Variants in SLC4A4 observed in about 807,000 individuals in gnomAD.
SLC4A4 encodes electrogenic sodium bicarbonate cotransporter 1.
In SLC4A4, 27 loss-of-function variants were observed where a neutral mutation model predicts 111.5. That is an observed-to-expected ratio of 0.24 (90% CI 0.18 to 0.33). The LOEUF (loss-of-function observed/expected upper bound fraction) is 0.33. Ranked by LOEUF, SLC4A4 falls within the 10% of genes least tolerant of loss-of-function variation. The pLI, the probability that SLC4A4 is intolerant of heterozygous loss-of-function variation, is 1.00. For synonymous variants in SLC4A4, 443 were observed against 463.4 expected, an observed-to-expected ratio of 0.96 and a Z score of 0.57; for missense variants, 909 against 1,315.5, an observed-to-expected ratio of 0.69 and a Z score of 4.78.
At chr4:71,195,068 G>A (rs1186663663) in intron 1 of SLC4A4, among the ~76,000 whole-genome samples, 1 of 151,932 alleles carries the variant, frequency 6.6e-6, no homozygotes, top group African/African-American at 2.4e-5. Context: ...AAATGTGTAT[G>A]ATTTTTGTTT....
intron 1 of SLC4A4, 176 bp from the exon 2 acceptor site, chr4:71,236,400 C>T (rs917613859): frequency 3.5e-5 from 27 of 766,374 alleles, no homozygotes; most frequent in South Asian, 1.4e-4. Context: ...GGCATATTCT[C>T]GAGCACCAGA....
chr4:71,449,522 C>G (rs938545263), intron 9 of SLC4A4, among the ~76,000 whole-genome samples: 8 of 152,154 alleles, frequency 5.3e-5, no homozygotes, highest in Non-Finnish European at 1.0e-4. Flanking sequence ...CCACAACCCC[C>G]AGACTGTTAA....
intron 6 of SLC4A4, among the ~76,000 whole-genome samples, chr4:71,391,921 A>T (rs912057480): frequency 1.3e-5 from 2 of 151,990 alleles, no homozygotes; most frequent in Non-Finnish European, 2.9e-5. Context: ...GCAAGGTGAC[A>T]TTTTTCTCTA....
At chr4:71,561,068 A>T (rs1038293084) in intron 23 of SLC4A4, among the ~76,000 whole-genome samples, 1 of 151,776 alleles carries the variant, frequency 6.6e-6, no homozygotes, top group African/African-American at 2.4e-5. Context: ...AATGTTTTCC[A>T]TTTGAAAATT....
At chr4:71,560,377 T>C in intron 23 of SLC4A4, 123 bp downstream of exon 23, 1 of 1,114,152 alleles carries the variant, frequency 9.0e-7, no homozygotes, top group South Asian at 1.4e-5. Context: ...GGACATGTGG[T>C]GTATTACTCA....
intron 7 of SLC4A4, among the ~76,000 whole-genome samples, chr4:71,418,061 T>C (rs908296843): frequency 1.3e-5 from 2 of 152,222 alleles, no homozygotes; most frequent in Non-Finnish European, 2.9e-5. Context: ...TATTGACAAT[T>C]TTTTTAAAAA....
At chr4:71,517,856 G>A (rs1732550572) in intron 16 of SLC4A4, among the ~76,000 whole-genome samples, 2 of 150,554 alleles carry the variant, frequency 1.3e-5, no homozygotes, top group South Asian at 4.3e-4. Context: ...CAGTTAGGCT[G>A]ACCTGGTTCT....
intron 6 of SLC4A4, among the ~76,000 whole-genome samples, chr4:71,372,167 T>C (rs981980526): frequency 1.3e-5 from 2 of 152,248 alleles, no homozygotes; most frequent in African/African-American, 4.8e-5. Flanking sequence ...AGTTACTAAC[T>C]ACCTTTAAAA....
At chr4:71,106,929 T>A (rs1411638770) in intron 2 of SLC4A4, among the ~76,000 whole-genome samples, 3 of 146,748 alleles carry the variant, frequency 2.0e-5, no homozygotes, top group Admixed American at 1.4e-4. Flanking sequence ...ATAATAAAAA[T>A]AAATAAATAA....
chr4:71,484,121 G>A (rs1323958455), intron 14 of SLC4A4, among the ~76,000 whole-genome samples: 2 of 151,692 alleles, frequency 1.3e-5, no homozygotes, highest in Non-Finnish European at 2.9e-5. Flanking sequence ...CATACAGTAG[G>A]TTGTTTGTTT....
At chr4:71,408,795 C>G (rs373174410) in intron 7 of SLC4A4, among the ~76,000 whole-genome samples, 9 of 152,148 alleles carry the variant, frequency 5.9e-5, no homozygotes, top group African/African-American at 1.9e-4. Context: ...CCAATACCAT[C>G]TAGTACTTAT....
At chr4:71,294,640 T>TGA (rs1354999664) in intron 3 of SLC4A4, among the ~76,000 whole-genome samples, 1 of 152,174 alleles carries the variant, frequency 6.6e-6, no homozygotes, top group Non-Finnish European at 1.5e-5. Context: ...AAATTGCTTG[T>TGA]GAGAGAGATT....
At chr4:71,543,727 G>A (rs1414645755) in intron 18 of SLC4A4, among the ~76,000 whole-genome samples, 4 of 151,900 alleles carry the variant, frequency 2.6e-5, no homozygotes, top group Non-Finnish European at 5.9e-5. Flanking sequence ...AGGTTTTTTG[G>A]TAACAAGATT....
intron 6 of SLC4A4, among the ~76,000 whole-genome samples, chr4:71,370,776 C>T (rs1201194339): frequency 6.6e-6 from 1 of 152,100 alleles, no homozygotes; most frequent in African/African-American, 2.4e-5. Context: ...TATTCCATGT[C>T]AGACATCCAG....
intron 6 of SLC4A4, among the ~76,000 whole-genome samples, chr4:71,376,070 T>TAC (rs1244476232): frequency 1.4e-5 from 2 of 147,976 alleles, no homozygotes; most frequent in Non-Finnish European, 3.0e-5. Flanking sequence ...TATATACATA[T>TAC]ACACGTATAT....
At position 71,567,094 on chromosome 4, in the gene SLC4A4, G is replaced by T. The variant is rs1456163275; in HGVS notation, c.*36+11G>T. 6 of 1,599,426 alleles carry T rather than the reference G, an allele frequency of 3.8e-6. No individual in the cohort carries two copies. Among genetic ancestry groups the T allele is most frequent in the Middle Eastern group, 1.7e-4 (1 of 5,994 alleles). On this transcript the variant is annotated intron_variant, in intron 25 of 25. Coordinates refer to ENST00000264485, the MANE Select transcript of SLC4A4 (RefSeq NM_001098484.3). ...ACTCGGTATGCCAAGGTAAAGGAGAGCCCAGTATTTTATGTTTTTCTGTGG... is the reference window on the plus strand; with the variant it reads ...ACTCGGTATGCCAAGGTAAAGGAGATCCCAGTATTTTATGTTTTTCTGTGG...
At chr4:71,340,927 A>G (rs930988309) in intron 4 of SLC4A4, among the ~76,000 whole-genome samples, 1 of 152,188 alleles carries the variant, frequency 6.6e-6, no homozygotes, top group Non-Finnish European at 1.5e-5. Flanking sequence ...CATTAATCTC[A>G]TAACAGAGCT....
intron 1 of SLC4A4, among the ~76,000 whole-genome samples, chr4:71,075,036 A>C (rs1741770009): frequency 6.6e-6 from 1 of 151,862 alleles, no homozygotes; most frequent in Non-Finnish European, 1.5e-5. Flanking sequence ...AAAATTGGGG[A>C]TCTCTAGCTC....
At chr4:71,138,762 C>CG (rs1483160642) in intron 2 of SLC4A4, among the ~76,000 whole-genome samples, 5 of 152,074 alleles carry the variant, frequency 3.3e-5, no homozygotes, top group Non-Finnish European at 7.4e-5. Context: ...GTTGGCCGGG[C>CG]GCGGTGGCTC....
Sources: allele counts gnomAD v4.1 joint callset (sites outside exome capture counted in the v4.1 genomes callset), GRCh38; gene constraint gnomAD v4.1.1; transcripts MANE v1.5; gene names NCBI Gene and HGNC (gene_info 2026-07-23, HGNC 2026-07-21).